AFAP1L1: variants seen among roughly 807,000 people sequenced by gnomAD.
AFAP1L1 encodes actin filament-associated protein 1-like 1.
In AFAP1L1, 77 loss-of-function variants were observed where a neutral mutation model predicts 99.8. That is an observed-to-expected ratio of 0.77 (90% CI 0.64 to 0.93). The LOEUF (loss-of-function observed/expected upper bound fraction) is 0.93, where lower values mean the gene tolerates loss of function less well. Ranked by LOEUF, AFAP1L1 falls within the 40% of genes least tolerant of loss-of-function variation. AFAP1L1 has a pLI of 0.00. For synonymous variants in AFAP1L1, 373 were observed against 395.3 expected (o/e 0.94, Z 0.67); for missense variants, 893 against 996.8 (o/e 0.90, Z 1.40).
chr5:149,315,627 GAC>G lies in AFAP1L1; in HGVS notation c.1021-190_1021-189del, dbSNP rs373901520. 259 of 580,800 alleles carry G rather than the reference GAC, an allele frequency of 4.5e-4. 2 individuals carry two copies. The highest frequency in any genetic ancestry group is 4.2e-3 in the African/African-American group (224 of 53,660). The allele number at this position is 580,800 out of a possible 1,614,324, so 36.0% of individuals were successfully genotyped here. A position where few individuals can be genotyped will look rare whatever the true frequency, so the allele number is the denominator to read the frequency against. ...CCAAATGGACTGTGAATTGCCCAAA[GAC>G]ACAACCATATCTAAGTCATGGTTGT... On this transcript the variant is annotated intron_variant, in intron 9 of 18. Coordinates refer to ENST00000296721, the MANE Select transcript of AFAP1L1 (RefSeq NM_152406.4).
chr5:149,329,666 G>A lies in AFAP1L1; in HGVS notation c.1811G>A (p.Ser604Asn), dbSNP rs1458503583. ...CTTTCCCTTCCCCATATCTCTGCAG[G>A]TGCCAATCAATACAAGTATGGCAAG... Reference protein sequence around the residue: ...PQVKVKRHASSANQYKYGKNR... With the variant: ...PQVKVKRHASNANQYKYGKNR... Residue 604 changes from serine (S) to asparagine (N), a missense_variant and splice_region_variant, in exon 16 of 19, where the codon AGT (serine) becomes AAT (asparagine). Physicochemically the swap from Ser to Asn is conservative, Grantham distance 46. Coordinates refer to ENST00000296721, the MANE Select transcript of AFAP1L1 (RefSeq NM_152406.4). 6.2e-7 allele frequency: 1 copy of A among 1,612,666 alleles called. No homozygotes were observed. The highest frequency in any genetic ancestry group is 8.5e-7 in the Non-Finnish European group (1 of 1,179,470).
chr5:149,294,233 G>A (rs1323566410), intron 1 of AFAP1L1, among the ~76,000 whole-genome samples: 2 of 152,132 alleles, frequency 1.3e-5, no homozygotes, highest in Non-Finnish European at 2.9e-5. Flanking sequence ...TAGCAAATTA[G>A]ACTTTCTGGA....
At position 149,341,457 on chromosome 5, in the gene AFAP1L1, C is replaced by G. The variant is rs955547551; in HGVS notation, c.*1427C>G. 6.6e-6 allele frequency: 1 copy of G among 152,178 alleles called. No individual in the cohort carries two copies. The highest frequency in any genetic ancestry group is 2.4e-5 in the African/African-American group (1 of 41,416). 9.4% of individuals were successfully genotyped at this position (152,178 alleles called of 1,614,324 possible). A position where few individuals can be genotyped will look rare whatever the true frequency, so the allele number is the denominator to read the frequency against. On this transcript the variant is annotated 3_prime_UTR_variant, in exon 19 of 19. Coordinates refer to ENST00000296721, the MANE Select transcript of AFAP1L1 (RefSeq NM_152406.4). The stretch of plus-strand genomic sequence containing the variant: ...TGACCTTGGGAAAGTCACTTGATTG[C>G]TCTGATTCTTGTTTTCCTTATCTGT...
In AFAP1L1 at chr5:149,271,894, A is replaced by C; in HGVS notation, c.-75A>C. The C allele has an allele frequency of 8.8e-7, 1 of 1,132,424 alleles. No homozygotes were observed. The highest frequency in any genetic ancestry group is 1.1e-6 in the Non-Finnish European group (1 of 908,074). The allele number at this position is 1,132,424 out of a possible 1,614,324, so 70.1% of individuals were successfully genotyped here. A position where few individuals can be genotyped will look rare whatever the true frequency, so the allele number is the denominator to read the frequency against. On this transcript the variant is annotated 5_prime_UTR_variant, in exon 1 of 19. Coordinates refer to ENST00000296721, the MANE Select transcript of AFAP1L1 (RefSeq NM_152406.4). ...GGCCGCTGGGCTGGCCTGAGAGCGC[A>C]GCGCGCCGGCCGCTACCAGCCGCGC...
intron 1 of AFAP1L1, among the ~76,000 whole-genome samples, chr5:149,277,806 G>A (rs1396177392): frequency 6.6e-6 from 1 of 152,168 alleles, no homozygotes; most frequent in Non-Finnish European, 1.5e-5. Context: ...AGTAATACAT[G>A]TAGTCTAGCA....
Position 149,322,543 on chromosome 5 carries a change from A to G in AFAP1L1, c.1699-63A>G, listed in dbSNP as rs563432721. ...CTCCATACTGAGCAAAGACCGCAAT[A>G]CACCCTGCATTGATGAGTCTGCGCC... On this transcript the variant is annotated intron_variant, in intron 14 of 18. Coordinates refer to ENST00000296721, the MANE Select transcript of AFAP1L1 (RefSeq NM_152406.4). The G allele has an allele frequency of 4.5e-5, 55 of 1,212,270 alleles. No individual in the cohort carries two copies. In the Middle Eastern group the frequency reaches 7.9e-4, roughly 17 times the overall value. 75.1% of individuals were successfully genotyped at this position (1,212,270 alleles called of 1,614,324 possible). A position where few individuals can be genotyped will look rare whatever the true frequency, so the allele number is the denominator to read the frequency against.
intron 15 of AFAP1L1, among the ~76,000 whole-genome samples, chr5:149,323,877 A>G (rs747062452): frequency 1.3e-5 from 2 of 152,276 alleles, no homozygotes; most frequent in Admixed American, 1.3e-4. Flanking sequence ...AAAGCATGTA[A>G]GATTAAAGAA....
At chr5:149,284,671 TTCATCATC>T (rs1755623275) in intron 1 of AFAP1L1, among the ~76,000 whole-genome samples, 1 of 152,230 alleles carries the variant, frequency 6.6e-6, no homozygotes, top group African/African-American at 2.4e-5. Flanking sequence ...GTGAGGATCT[TTCATCATC>T]TATGTCACAA....
chr5:149,328,743 G>T (rs905011865), intron 15 of AFAP1L1, among the ~76,000 whole-genome samples: 8 of 152,176 alleles, frequency 5.3e-5, no homozygotes, highest in African/African-American at 1.9e-4. Context: ...GAACCCCAGA[G>T]GTGGAGGTTG....
At chr5:149,331,084 G>C (rs1224739950) in intron 16 of AFAP1L1, among the ~76,000 whole-genome samples, 1 of 151,960 alleles carries the variant, frequency 6.6e-6, no homozygotes, top group African/African-American at 2.4e-5. Flanking sequence ...TTTAAACCTG[G>C]TAAGACCCAA....
intron 1 of AFAP1L1, among the ~76,000 whole-genome samples, chr5:149,273,244 T>C (rs1755193114): frequency 6.6e-6 from 1 of 150,586 alleles, no homozygotes. Context: ...TTATTAATAA[T>C]GGAAAATTCA....
chr5:149,289,453 G>T (rs1755785464), intron 1 of AFAP1L1, among the ~76,000 whole-genome samples: 1 of 147,750 alleles, frequency 6.8e-6, no homozygotes. Context: ...TTGCAGCTGG[G>T]TTTTTTTTTT....
At chr5:149,313,269 A>C (rs1581324940) in intron 9 of AFAP1L1, among the ~76,000 whole-genome samples, 1 of 152,324 alleles carries the variant, frequency 6.6e-6, no homozygotes, top group South Asian at 2.1e-4. Flanking sequence ...CTCAGACCCA[A>C]GTCCTCCCCT....
chr5:149,289,297 C>CT (rs750596940), intron 1 of AFAP1L1, among the ~76,000 whole-genome samples: 3 of 152,190 alleles, frequency 2.0e-5, no homozygotes, highest in Non-Finnish European at 2.9e-5. Context: ...GTACTATTCT[C>CT]TTAAGCATAA....
intron 17 of AFAP1L1, among the ~76,000 whole-genome samples, chr5:149,334,924 G>A (rs575353065): frequency 6.6e-6 from 1 of 152,054 alleles, no homozygotes; most frequent in East Asian, 1.9e-4. Context: ...AAGGGCTATG[G>A]GATTGGAATC....
chr5:149,320,349 A>T lies in AFAP1L1; in HGVS notation c.1626-42A>T. On this transcript the variant is annotated intron_variant, in intron 13 of 18. Transcript: ENST00000296721. The surrounding 1 kb of genome is among the most constrained non-coding windows in gnomAD (Gnocchi z 4.0). ...ACGAAAGCACTGTAAGCTGCAAAGC[A>T]TCATTGTCATTGTCATTGTCATCGT... The T allele has an allele frequency of 6.3e-7, 1 of 1,592,216 alleles. No homozygotes were observed. The highest frequency in any genetic ancestry group is 8.6e-7 in the Non-Finnish European group (1 of 1,160,508).
rs780067865 is a variant in AFAP1L1, at chr5:149,307,432, A to G, written c.566A>G (p.Tyr189Cys). 5 of 1,614,098 alleles carry G rather than the reference A, an allele frequency of 3.1e-6. No individual in the cohort carries two copies. Among genetic ancestry groups the G allele is most frequent in the South Asian group, 1.1e-5 (1 of 91,078 alleles). Residue 189 changes from tyrosine (Y) to cysteine (C), a missense_variant, in exon 7 of 19, where the codon TAT (tyrosine) becomes TGT (cysteine). Tyr to Cys is a radical substitution (Grantham distance 194). Coordinates refer to ENST00000296721, the MANE Select transcript of AFAP1L1 (RefSeq NM_152406.4). ...YNDSDAMSSS[Y>C]ESYDEEEEEG... The stretch of plus-strand genomic sequence containing the variant: ...GACTCTGACGCAATGAGCAGCTCCT[A>G]TGAGTCCTACGATGAAGAGGAGGAG...
rs914117565 is a variant in AFAP1L1, at chr5:149,326,364, G to C, written c.1811-3302G>C. ...GACAAGCCTAGCCAACATGGCAAAA[G>C]CCTGTCTTTACTAAAAATACAAAAA... On this transcript the variant is annotated intron_variant, in intron 15 of 18. Transcript: ENST00000296721. Among the ~76,000 whole-genome samples the C allele has an allele frequency of 2.6e-5, 4 of 151,970 alleles. No individual in the cohort carries two copies. In the South Asian group the frequency reaches 8.3e-4, roughly 32 times the overall value.
chr5:149,285,820 C>T (rs1375712322), intron 1 of AFAP1L1, among the ~76,000 whole-genome samples: 1 of 152,168 alleles, frequency 6.6e-6, no homozygotes, highest in East Asian at 1.9e-4. Context: ...CCCAAAGAGC[C>T]CTTCTGTTCT....
Sources: gnomAD v4.1 joint callset for allele counts (sites outside exome capture counted in the v4.1 genomes callset) on GRCh38, gnomAD v4.1.1 for gene constraint, Gnocchi (gnomAD v3.1) non-coding constraint, MANE v1.5 for transcripts, NCBI Gene and HGNC (gene_info 2026-07-23, HGNC 2026-07-21) for gene names.